The following UST variants were observed in gnomAD, a reference collection of about 807,000 sequenced individuals.
UST encodes uronyl 2-sulfotransferase.
In UST, 21 loss-of-function variants were observed where a neutral mutation model predicts 45.6. That is an observed-to-expected ratio of 0.46 (90% confidence interval 0.33 to 0.66). The LOEUF (loss-of-function observed/expected upper bound fraction) is 0.66. Among genes scored for constraint, UST ranks in the 30% least tolerant of loss-of-function variants. The pLI, the probability that UST is intolerant of heterozygous loss-of-function variation, is 0.02. For missense variants in UST, 463 were observed against 512.4 expected, an observed-to-expected ratio of 0.90 and a Z score of 0.93; for synonymous variants, 215 against 200.6, an observed-to-expected ratio of 1.07 and a Z score of -0.61.
intron 5 of UST, among the ~76,000 whole-genome samples, chr6:148,989,015 A>G (rs1435190897): frequency 6.6e-6 from 1 of 152,196 alleles, no homozygotes; most frequent in Non-Finnish European, 1.5e-5. Context: ...GGCCCTTCTC[A>G]GAAATGCAGG....
intron 2 of UST, among the ~76,000 whole-genome samples, chr6:148,922,246 C>T (rs1457756082): frequency 2.0e-5 from 3 of 152,068 alleles, no homozygotes; most frequent in South Asian, 4.2e-4. Flanking sequence ...CTGTCACTCC[C>T]CACATCCCCC....
At chr6:148,921,976 A>G (rs1045734654) in intron 2 of UST, among the ~76,000 whole-genome samples, 2 of 152,212 alleles carry the variant, frequency 1.3e-5, no homozygotes, top group Admixed American at 1.3e-4. Context: ...TAAGGAGGAC[A>G]TCGGCCACAG....
At chr6:149,060,411 T>C (rs1191230828) in intron 7 of UST, among the ~76,000 whole-genome samples, 1 of 152,138 alleles carries the variant, frequency 6.6e-6, no homozygotes, top group African/African-American at 2.4e-5. Context: ...CCAGCACATA[T>C]CGCTGTGAGC....
In UST at chr6:148,747,921, G is replaced by A. The variant is rs192345222; in HGVS notation, c.247+244G>A. On this transcript the variant is annotated intron_variant, in intron 1 of 7. Transcript: ENST00000367463. ...GCGCTGCCGGCAGGTACCCCGGGGCGAGGCACCGCTCACCTTCCCCCCGCC... is the reference window on the plus strand; with the variant it reads ...GCGCTGCCGGCAGGTACCCCGGGGCAAGGCACCGCTCACCTTCCCCCCGCC... Among the ~76,000 whole-genome samples the A allele has an allele frequency of 8.4e-3, 1,281 of 152,230 alleles. 16 individuals carry two copies. The highest frequency in any genetic ancestry group is 0.03 in the African/African-American group (1,227 of 41,558).
chr6:148,878,659 A>G (rs1384450774), intron 1 of UST, among the ~76,000 whole-genome samples: 33 of 98,742 alleles, frequency 3.3e-4, no homozygotes, highest in East Asian at 1.4e-3. Flanking sequence ...GGGGTCGTGT[A>G]TAAGTGCGGG....
At chr6:149,053,503 A>T (rs1776518304) in intron 7 of UST, among the ~76,000 whole-genome samples, 1 of 152,108 alleles carries the variant, frequency 6.6e-6, no homozygotes, top group African/African-American at 2.4e-5. Context: ...ACCCAAACTT[A>T]TGTGTTGTGT....
intron 2 of UST, among the ~76,000 whole-genome samples, chr6:148,931,736 A>G (rs978207313): frequency 4.6e-5 from 7 of 152,226 alleles, no homozygotes; most frequent in East Asian, 1.9e-4. Flanking sequence ...GTACATCCAC[A>G]TGCATAACAG....
intron 5 of UST, among the ~76,000 whole-genome samples, chr6:148,964,953 T>G (rs532302051): frequency 6.6e-6 from 1 of 152,152 alleles, no homozygotes; most frequent in South Asian, 2.1e-4. Flanking sequence ...TCAGTTCCCA[T>G]GACCACTCTG....
intron 5 of UST, among the ~76,000 whole-genome samples, chr6:148,985,636 A>G (rs1049473334): frequency 6.6e-6 from 1 of 152,204 alleles, no homozygotes. Flanking sequence ...GGGGCAAGAA[A>G]GATGTGGAAA....
At chr6:148,798,656 G>C (rs1054651231) in intron 1 of UST, among the ~76,000 whole-genome samples, 1 of 152,130 alleles carries the variant, frequency 6.6e-6, no homozygotes, top group South Asian at 2.1e-4. Flanking sequence ...GGACAACCAG[G>C]ACAGTGATGT....
chr6:148,988,223 C>CA (rs2114988769), intron 5 of UST, among the ~76,000 whole-genome samples: 1 of 152,200 alleles, frequency 6.6e-6, no homozygotes. Flanking sequence ...TGAAACTTGA[C>CA]ATTGAACAGT....
At position 148,796,679 on chromosome 6, in the gene UST, A is replaced by T. The variant is rs1480836136; in HGVS notation, c.247+49002A>T. 2.7e-5 allele frequency among the ~76,000 whole-genome samples: 4 copies of T among 150,796 alleles called. No homozygotes were observed. The South Asian group carries it at 8.4e-4, about 32-fold the overall frequency. On this transcript the variant is annotated intron_variant, in intron 1 of 7. Coordinates refer to ENST00000367463, the MANE Select transcript of UST (RefSeq NM_005715.3). The stretch of plus-strand genomic sequence containing the variant: ...GAAGGGAGAGAGTGAAGCACACTGA[A>T]GTGAAAAACTGATACCCGTTAGGCT...
intron 5 of UST, among the ~76,000 whole-genome samples, chr6:149,006,366 T>C (rs1242860693): frequency 6.6e-6 from 1 of 152,218 alleles, no homozygotes; most frequent in African/African-American, 2.4e-5. Flanking sequence ...GTTAATTTGT[T>C]AGTTTGCTGT....
intron 1 of UST, among the ~76,000 whole-genome samples, chr6:148,872,817 G>C (rs78280800): frequency 6.6e-6 from 1 of 152,064 alleles, no homozygotes; most frequent in Non-Finnish European, 1.5e-5. Flanking sequence ...ATCCTCCAGC[G>C]TCACATCTCT....
At chr6:148,905,525 C>A (rs1429806263) in intron 2 of UST, among the ~76,000 whole-genome samples, 2 of 152,260 alleles carry the variant, frequency 1.3e-5, no homozygotes, top group East Asian at 1.9e-4. Flanking sequence ...GAGACCTAGA[C>A]TCCCCATTGG....
At chr6:148,953,828 G>GTAAATTA in intron 3 of UST, 44 bp from the exon 4 acceptor site, 1 of 1,154,468 alleles carries the variant, frequency 8.7e-7, no homozygotes, top group Non-Finnish European at 1.2e-6. Context: ...ATATGGCTTG[G>GTAAATTA]TAAATTAGAT....
Position 149,014,045 on chromosome 6 carries a change from T to A in UST, c.682-5094T>A, listed in dbSNP as rs562458727. 2.5e-4 allele frequency among the ~76,000 whole-genome samples: 38 copies of A among 152,288 alleles called. 1 individual carries two copies. The South Asian group carries it at 7.9e-3, about 32-fold the overall frequency. On this transcript the variant is annotated intron_variant, in intron 5 of 7. Transcript: ENST00000367463. ...GTCTAGTTCTTGATGTACAGAGAAA[T>A]AAAAGAGCAGTTTTATGTCTCAGGC...
intron 1 of UST, among the ~76,000 whole-genome samples, chr6:148,767,004 C>T (rs960873802): frequency 1.3e-5 from 2 of 152,174 alleles, no homozygotes; most frequent in South Asian, 2.1e-4. Context: ...GCAAATCACT[C>T]GAGGATTTGT....
At chr6:148,882,039 G>C (rs1248629561) in intron 1 of UST, among the ~76,000 whole-genome samples, 1 of 152,068 alleles carries the variant, frequency 6.6e-6, no homozygotes. Flanking sequence ...TCTCTTATAA[G>C]GGCAAAGCAT....
Sources: allele counts gnomAD v4.1 joint callset (sites outside exome capture counted in the v4.1 genomes callset), GRCh38; gene constraint gnomAD v4.1.1; transcripts MANE v1.5; gene names NCBI Gene and HGNC (gene_info 2026-07-23, HGNC 2026-07-21).